The following IER3IP1 variants were observed in gnomAD, a reference collection of about 807,000 sequenced individuals.
IER3IP1 encodes immediate early response 3 interacting protein 1, also known as immediate early response 3-interacting protein 1.
In IER3IP1, 16 loss-of-function variants were observed where a neutral mutation model predicts 12.2. The ratio of observed to expected loss-of-function variants is 1.31; its 90% CI spans 0.89 to 1.99. The LOEUF (loss-of-function observed/expected upper bound fraction) is 1.99. IER3IP1 is among the 30% of genes most tolerant of loss of function. IER3IP1 has a pLI of 0.00. For missense variants in IER3IP1, 95 were observed against 95.8 expected, an observed-to-expected ratio of 0.99 and a Z score of 0.03; for synonymous variants, 42 against 40.0, an observed-to-expected ratio of 1.05 and a Z score of -0.19.
chr18:47,159,772 CT>C (rs1019762972), intron 1 of IER3IP1, among the ~76,000 whole-genome samples: 2 of 148,924 alleles, frequency 1.3e-5, no homozygotes, highest in African/African-American at 2.5e-5. Context: ...TGAATAGCTG[CT>C]TTTTTTTTTC....
At chr18:47,164,231 T>G (rs1176530016) in intron 1 of IER3IP1, among the ~76,000 whole-genome samples, 1 of 151,874 alleles carries the variant, frequency 6.6e-6, no homozygotes, top group Non-Finnish European at 1.5e-5. Context: ...AAACATATAG[T>G]AAGTTAGTTA....
At chr18:47,169,354 T>C (rs1237573499) in intron 1 of IER3IP1, among the ~76,000 whole-genome samples, 1 of 152,224 alleles carries the variant, frequency 6.6e-6, no homozygotes, top group African/African-American at 2.4e-5. Context: ...CTGGGTTGTT[T>C]CCATTTTTTG....
chr18:47,158,717 T>G (rs1034151124), intron 1 of IER3IP1, among the ~76,000 whole-genome samples: 24 of 151,240 alleles, frequency 1.6e-4, no homozygotes, highest in Non-Finnish European at 2.8e-4. Flanking sequence ...TTCCAGCACT[T>G]TGGGAGGCCA....
intron 1 of IER3IP1, among the ~76,000 whole-genome samples, chr18:47,162,657 CAAAAT>C (rs1012255371): frequency 2.6e-5 from 4 of 151,116 alleles, no homozygotes; most frequent in African/African-American, 7.3e-5. Flanking sequence ...ATAAATCTGT[CAAAAT>C]AATCAGTTCC....
intron 1 of IER3IP1, among the ~76,000 whole-genome samples, chr18:47,165,848 A>C (rs572066588): frequency 6.6e-6 from 1 of 152,334 alleles, no homozygotes; most frequent in East Asian, 1.9e-4. Context: ...CCATGCCAGT[A>C]CCCTGATCCT....
At position 47,153,625 on chromosome 18, in the gene IER3IP1, A is replaced by G. The variant is rs2063948561; in HGVS notation, c.*2552T>C. On this transcript the variant is annotated 3_prime_UTR_variant, in exon 3 of 3. Coordinates refer to ENST00000256433, the MANE Select transcript of IER3IP1 (RefSeq NM_016097.5). ...AGGTCTTATCATTTAGCTCCCACTT[A>G]TAAGTAATAACATGTGGTATTTGGT... 1.6e-5 allele frequency: 2 copies of G among 126,128 alleles called. No homozygotes were observed. The highest frequency in any genetic ancestry group is 2.5e-4 in the South Asian group (1 of 3,926). The allele number at this position is 126,128 out of a possible 1,614,324, so 7.8% of individuals were successfully genotyped here. A position where few individuals can be genotyped will look rare whatever the true frequency, so the allele number is the denominator to read the frequency against.
chr18:47,168,332 C>T (rs2064003928), intron 1 of IER3IP1, among the ~76,000 whole-genome samples: 1 of 147,178 alleles, frequency 6.8e-6, no homozygotes, highest in African/African-American at 2.5e-5. Context: ...AAAAAAAATC[C>T]CTTAAGTTTC....
intron 1 of IER3IP1, among the ~76,000 whole-genome samples, chr18:47,163,626 T>C (rs546045307): frequency 6.6e-6 from 1 of 152,144 alleles, no homozygotes; most frequent in Non-Finnish European, 1.5e-5. Flanking sequence ...AACCCTTCCA[T>C]AGCATAAGTC....
In IER3IP1 at chr18:47,163,629, C is replaced by T. The variant is rs73954244; in HGVS notation, c.92-6092G>A. ...ATAATTGTGTGAAACCCTTCCATAG[C>T]ATAAGTCAATAGTTTGCTTCTAAGG... On this transcript the variant is annotated intron_variant, in intron 1 of 2. Transcript: ENST00000256433. 5.2e-3 allele frequency among the ~76,000 whole-genome samples: 788 copies of T among 152,244 alleles called. 7 individuals carry two copies. Among genetic ancestry groups the T allele is most frequent in the African/African-American group, 0.018 (754 of 41,532 alleles).
At chr18:47,171,579 T>C (rs534505438) in intron 1 of IER3IP1, among the ~76,000 whole-genome samples, 1 of 152,376 alleles carries the variant, frequency 6.6e-6, no homozygotes, top group African/African-American at 2.4e-5. Context: ...TTGAGTCTAG[T>C]CAGTCTAGCT....
In IER3IP1 at chr18:47,176,285, C is replaced by G. The variant is rs772569409; in HGVS notation, c.-8G>C. ...GTACAGGGTAAAGGCCATGGCCGTC[C>G]GAGGCCGCCCCGAAGTCCAAGCGAT... On this transcript the variant is annotated 5_prime_UTR_variant, in exon 1 of 3. Transcript: ENST00000256433. The G allele has an allele frequency of 5.6e-5, 89 of 1,600,816 alleles. 2 individuals are homozygous for G. The Middle Eastern group carries it at 1.2e-3, about 21-fold the overall frequency.
chr18:47,152,852 T>C lies in IER3IP1; in HGVS notation c.*3325A>G, dbSNP rs2063945336. 1 of 152,178 alleles carries C rather than the reference T, an allele frequency of 6.6e-6. No individual in the cohort carries two copies. Among genetic ancestry groups the C allele is most frequent in the Non-Finnish European group, 1.5e-5 (1 of 68,038 alleles). 9.4% of individuals were successfully genotyped at this position (152,178 alleles called of 1,614,324 possible). ...AAAGTGATTTGCTTCATAAGAAACA[T>C]TTTACTTAAGGAGAACATCTCTTTG... On this transcript the variant is annotated 3_prime_UTR_variant, in exon 3 of 3. Transcript: ENST00000256433.
At chr18:47,165,934 G>C (rs1399978236) in intron 1 of IER3IP1, among the ~76,000 whole-genome samples, 1 of 152,214 alleles carries the variant, frequency 6.6e-6, no homozygotes, top group Non-Finnish European at 1.5e-5. Context: ...GGCAGCCTGA[G>C]CTGACTAATA....
chr18:47,160,073 T>C (rs1481749847), intron 1 of IER3IP1, among the ~76,000 whole-genome samples: 1 of 152,022 alleles, frequency 6.6e-6, no homozygotes, highest in Non-Finnish European at 1.5e-5. Context: ...CGCATGCCTG[T>C]AATCCCAGAT....
rs2064034381 is a variant in IER3IP1 at position 47,176,333 on chromosome 18, A to T, written c.-56T>A. 2 of 1,484,498 alleles carry T rather than the reference A, an allele frequency of 1.3e-6. No homozygotes were observed. The highest frequency in any genetic ancestry group is 1.8e-6 in the Non-Finnish European group (2 of 1,085,426). 92.0% of individuals were successfully genotyped at this position (1,484,498 alleles called of 1,614,324 possible). The stretch of plus-strand genomic sequence containing the variant: ...GATTTCTCTCCCGCCGCCGCAAGGG[A>T]CGTGGCGCCTCCACGGCCGGCGCCT... On this transcript the variant is annotated 5_prime_UTR_variant, in exon 1 of 3. Coordinates refer to ENST00000256433, the MANE Select transcript of IER3IP1 (RefSeq NM_016097.5).
chr18:47,176,273 G>A lies in IER3IP1; in HGVS notation c.5C>T (p.Ala2Val), dbSNP rs2144443803. The change falls in exon 1 of 3, where the codon GCC (alanine) becomes GTC (valine). Residue 2 changes from alanine to valine, a missense_variant. By Grantham distance (64) the Ala-to-Val change is moderately conservative. Transcript: ENST00000256433. ...CTGCAGCAGTGAGTACAGGGTAAAG[G>A]CCATGGCCGTCCGAGGCCGCCCCGA... is the stretch of plus-strand genomic sequence containing the variant. M[A>V]FTLYSLLQAA... 6.2e-7 allele frequency: 1 copy of A among 1,607,762 alleles called. No individual in the cohort carries two copies. The highest frequency in any genetic ancestry group is 8.5e-7 in the Non-Finnish European group (1 of 1,177,340).
intron 1 of IER3IP1, among the ~76,000 whole-genome samples, chr18:47,167,984 C>T (rs1299253855): frequency 1.3e-5 from 2 of 151,602 alleles, no homozygotes; most frequent in African/African-American, 2.4e-5. Flanking sequence ...ATGAGCCAGG[C>T]GTGGTGGCGG....
intron 1 of IER3IP1, among the ~76,000 whole-genome samples, chr18:47,165,815 A>G (rs944683463): frequency 1.1e-4 from 16 of 152,230 alleles, no homozygotes; most frequent in Non-Finnish European, 2.2e-4. Context: ...CAAGCCAGAA[A>G]GAGGGCCCTC....
intron 1 of IER3IP1, among the ~76,000 whole-genome samples, chr18:47,171,495 A>T (rs1289554973): frequency 6.6e-6 from 1 of 152,174 alleles, no homozygotes; most frequent in Admixed American, 6.5e-5. Flanking sequence ...TGAAGGCTTG[A>T]CTTCATGAGA....
Sources: gnomAD v4.1 joint callset for allele counts (sites outside exome capture counted in the v4.1 genomes callset) on GRCh38, gnomAD v4.1.1 for gene constraint, MANE v1.5 for transcripts, NCBI Gene and HGNC (gene_info 2026-07-23, HGNC 2026-07-21) for gene names.